The following GNAQ variants were observed in gnomAD, a reference collection of about 807,000 sequenced individuals.
GNAQ encodes G protein subunit alpha q, also known as guanine nucleotide-binding protein G(q) subunit alpha.
A neutral mutation model predicts 43.9 loss-of-function variants in GNAQ; 8 were observed. The observed-to-expected ratio is 0.18, with a 90% CI of 0.11 to 0.33. GNAQ has a LOEUF of 0.33. Ranked by LOEUF, GNAQ falls within the 10% of genes least tolerant of loss-of-function variation. The probability of loss-of-function intolerance (pLI) is 1.00; values close to 1 mark genes in which losing one functional copy is unlikely to be tolerated. For synonymous variants in GNAQ, 155 were observed against 170.7 expected, an observed-to-expected ratio of 0.91 and a Z score of 0.71; for missense variants, 158 against 450.8, an observed-to-expected ratio of 0.35 and a Z score of 5.88.
chr9:77,814,768 C>G (rs942846992), intron 3 of GNAQ, among the ~76,000 whole-genome samples: 1 of 152,158 alleles, frequency 6.6e-6, no homozygotes, highest in African/African-American at 2.4e-5. Flanking sequence ...TTATTTTCCA[C>G]CCATTCTTCT....
intron 2 of GNAQ, among the ~76,000 whole-genome samples, chr9:77,886,387 A>AG (rs548121987): frequency 1.7e-3 from 37 of 21,868 alleles, no homozygotes; most frequent in African/African-American, 4.6e-3. Flanking sequence ...CTATGCTCTT[A>AG]AAAAAAAAAA....
intron 5 of GNAQ, among the ~76,000 whole-genome samples, chr9:77,776,351 A>AT (rs1328393163): frequency 1.3e-5 from 2 of 152,228 alleles, no homozygotes; most frequent in African/African-American, 2.4e-5. Context: ...CACAATTTAG[A>AT]TTAAAAGACA....
At position 77,846,096 on chromosome 9, in the gene GNAQ, A is replaced by C. The variant is rs181632760; in HGVS notation, c.322-30326T>G. On this transcript the variant is annotated intron_variant, in intron 2 of 6. Transcript: ENST00000286548. ...CACAAACCAGCCGTCTGTGGGCAAA[A>C]CACAGTTCACAAACGTGCTGTTTGG... is the stretch of plus-strand genomic sequence containing the variant. Among the ~76,000 whole-genome samples the C allele has an allele frequency of 9.8e-4, 150 of 152,334 alleles. 1 individual carries two copies. The highest frequency in any genetic ancestry group is 1.8e-3 in the Non-Finnish European group (122 of 68,028).
At chr9:78,028,509 A>C (rs536387167) in intron 1 of GNAQ, among the ~76,000 whole-genome samples, 2 of 152,342 alleles carry the variant, frequency 1.3e-5, no homozygotes, top group African/African-American at 4.8e-5. Flanking sequence ...ACCCACTTTT[A>C]TCCCTGTCAA....
At chr9:77,785,439 G>C (rs1564109974) in intron 5 of GNAQ, among the ~76,000 whole-genome samples, 1 of 152,180 alleles carries the variant, frequency 6.6e-6, no homozygotes, top group African/African-American at 2.4e-5. Context: ...CAGTGTTTCT[G>C]GTGCTTTGTT....
At chr9:77,854,793 T>C (rs1827725738) in intron 2 of GNAQ, among the ~76,000 whole-genome samples, 1 of 152,206 alleles carries the variant, frequency 6.6e-6, no homozygotes. Flanking sequence ...TAGGTTGGCA[T>C]GCTATGCAGG....
chr9:77,834,971 C>T (rs1028890779), intron 2 of GNAQ, among the ~76,000 whole-genome samples: 1 of 152,170 alleles, frequency 6.6e-6, no homozygotes, highest in African/African-American at 2.4e-5. Flanking sequence ...TATTACAGTA[C>T]TTCCCTCCTT....
At chr9:77,944,556 G>A (rs1164779413) in intron 1 of GNAQ, among the ~76,000 whole-genome samples, 4 of 152,094 alleles carry the variant, frequency 2.6e-5, no homozygotes, top group Non-Finnish European at 5.9e-5. Context: ...TAGAAAATAT[G>A]TTTGGGAGTA....
At chr9:77,902,431 G>A (rs1379092939) in intron 2 of GNAQ, among the ~76,000 whole-genome samples, 1 of 152,156 alleles carries the variant, frequency 6.6e-6, no homozygotes, top group African/African-American at 2.4e-5. Flanking sequence ...CTTTGTTGCT[G>A]ACTTACATAA....
At position 77,798,225 on chromosome 9, in the gene GNAQ, A is replaced by G. The variant is rs146039915; in HGVS notation, c.477-577T>C. ...AGTTACTGCAGTAATAATGTGTCTAAGGTCAGATATTCCCAATGTTTGGAG... is the reference window on the plus strand; with the variant it reads ...AGTTACTGCAGTAATAATGTGTCTAGGGTCAGATATTCCCAATGTTTGGAG... On this transcript the variant is annotated intron_variant, in intron 3 of 6. Transcript: ENST00000286548. Among the ~76,000 whole-genome samples, 263 of 152,304 alleles carry G rather than the reference A, an allele frequency of 1.7e-3. 1 individual carries two copies. Among genetic ancestry groups the G allele is most frequent in the African/African-American group, 5.9e-3 (246 of 41,568 alleles).
chr9:77,874,243 T>C (rs1490132015), intron 2 of GNAQ, among the ~76,000 whole-genome samples: 2 of 152,212 alleles, frequency 1.3e-5, no homozygotes, highest in Non-Finnish European at 2.9e-5. Context: ...TTATTAGGCT[T>C]GGGCTTCCCT....
At chr9:77,961,217 G>A (rs187473541) in intron 1 of GNAQ, among the ~76,000 whole-genome samples, 1 of 152,116 alleles carries the variant, frequency 6.6e-6, no homozygotes, top group South Asian at 2.1e-4. Flanking sequence ...TTTAACACAC[G>A]ACAACAAGGA....
intron 2 of GNAQ, among the ~76,000 whole-genome samples, chr9:77,850,636 C>T (rs1827660615): frequency 6.6e-6 from 1 of 152,186 alleles, no homozygotes; most frequent in South Asian, 2.1e-4. Context: ...TCCTAGCCTC[C>T]TCACCTCCCA....
chr9:77,797,734 T>TGA, intron 3 of GNAQ, 86 bp from the exon 4 acceptor site: 1 of 1,200,946 alleles, frequency 8.3e-7, no homozygotes. Context: ...AAATGAGTCC[T>TGA]AACAGAGAAG....
chr9:77,738,042 A>C (rs960317156), intron 5 of GNAQ, among the ~76,000 whole-genome samples: 2 of 152,200 alleles, frequency 1.3e-5, no homozygotes, highest in African/African-American at 4.8e-5. Context: ...TCCAGGGCAC[A>C]AGTGAAGGCC....
intron 2 of GNAQ, among the ~76,000 whole-genome samples, chr9:77,863,014 T>C (rs1827880181): frequency 2.6e-5 from 4 of 151,992 alleles, no homozygotes; most frequent in Admixed American, 2.6e-4. Flanking sequence ...CCCTGTCTAC[T>C]AAAAACAAAA....
At chr9:77,858,211 C>T (rs1466668311) in intron 2 of GNAQ, among the ~76,000 whole-genome samples, 1 of 152,170 alleles carries the variant, frequency 6.6e-6, no homozygotes, top group Non-Finnish European at 1.5e-5. Flanking sequence ...AGTCTCCAGA[C>T]CCAGCAGCAG....
chr9:77,760,043 G>C (rs1478820605), intron 5 of GNAQ, among the ~76,000 whole-genome samples: 2 of 142,674 alleles, frequency 1.4e-5, no homozygotes, highest in Non-Finnish European at 3.1e-5. Context: ...TTACAGGCAT[G>C]AGCCACCATG....
intron 5 of GNAQ, among the ~76,000 whole-genome samples, chr9:77,780,547 A>G (rs1487955468): frequency 6.6e-6 from 1 of 151,700 alleles, no homozygotes; most frequent in Non-Finnish European, 1.5e-5. Flanking sequence ...TACATTGGCT[A>G]CTGTGAACAG....
Sources: allele counts gnomAD v4.1 joint callset (sites outside exome capture counted in the v4.1 genomes callset), GRCh38; gene constraint gnomAD v4.1.1; transcripts MANE v1.5; gene names NCBI Gene and HGNC (gene_info 2026-07-23, HGNC 2026-07-21).